SDAD1: variants seen among roughly 807,000 people sequenced by gnomAD.
The protein encoded by SDAD1 is SDA1 domain containing 1.
Under a neutral mutation model 100.3 loss-of-function variants are expected in SDAD1, and 79 were observed. The observed-to-expected ratio is 0.79, with a 90% CI of 0.66 to 0.95. SDAD1 has a LOEUF of 0.95. SDAD1 is among the 40% of genes least tolerant of loss of function. The probability of loss-of-function intolerance (pLI) is 0.00; values close to 1 mark genes in which losing one functional copy is unlikely to be tolerated. For synonymous variants in SDAD1, 267 were observed against 271.4 expected (o/e 0.98, Z 0.16); for missense variants, 790 against 810.9 (o/e 0.97, Z 0.31).
At chr4:75,990,720 G>C in intron 1 of SDAD1, 32 bp downstream of exon 1, 10 of 1,612,976 alleles carry the variant, frequency 6.2e-6, no homozygotes, top group Middle Eastern at 3.3e-4. Context: ...TCCACTATCC[G>C]GCCTCTAGCG....
chr4:75,964,635 T>C (rs539246675), intron 13 of SDAD1, among the ~76,000 whole-genome samples: 3 of 152,280 alleles, frequency 2.0e-5, no homozygotes, highest in East Asian at 1.9e-4. Flanking sequence ...GGGGGGACAG[T>C]AACCCTTGTG....
At chr4:75,976,650 G>A (rs1479663174) in intron 4 of SDAD1, among the ~76,000 whole-genome samples, 1 of 152,018 alleles carries the variant, frequency 6.6e-6, no homozygotes, top group Non-Finnish European at 1.5e-5. Context: ...TGCAGTGATG[G>A]TTGTACCACG....
chr4:75,951,305 A>G (rs1560532205), intron 21 of SDAD1, among the ~76,000 whole-genome samples: 1 of 152,126 alleles, frequency 6.6e-6, no homozygotes, highest in Non-Finnish European at 1.5e-5. Context: ...TGATAACTCT[A>G]TCAATATAAA....
intron 1 of SDAD1, among the ~76,000 whole-genome samples, chr4:75,985,316 A>T (rs551431436): frequency 1.1e-4 from 16 of 152,292 alleles, no homozygotes; most frequent in African/African-American, 3.8e-4. Flanking sequence ...CCAGTCATTC[A>T]GATGCTCTAT....
chr4:75,957,883 A>G lies in SDAD1; in HGVS notation c.1542T>C (p.Asp514=). Residue 514 remains aspartate (D), a synonymous_variant, in exon 18 of 22, where the codon GAT becomes GAC. Coordinates refer to ENST00000356260, the MANE Select transcript of SDAD1 (RefSeq NM_018115.4). ...GTTCTTCATCGGAAGAGTGTTGCAC[A>G]TCAATCCATTCACCATCAGCATCCT... ...EEEDADGEWI[D]VQHSSDEEQQ... is the part of the protein sequence containing the mutation. 1 of 1,613,740 alleles carries G rather than the reference A, an allele frequency of 6.2e-7. No homozygotes were observed.
At chr4:75,957,046 G>A (rs1728936462) in intron 20 of SDAD1, among the ~76,000 whole-genome samples, 2 of 152,182 alleles carry the variant, frequency 1.3e-5, no homozygotes, top group Admixed American at 6.5e-5. Context: ...GGAGGCAGAG[G>A]TTGCAGTGAG....
rs1157523489 is a variant in SDAD1 at position 75,977,629 on chromosome 4, T to C, written c.405+17A>G. 6.1e-6 allele frequency: 9 copies of C among 1,477,632 alleles called. No homozygotes were observed. Among genetic ancestry groups the C allele is most frequent in the Non-Finnish European group, 8.5e-6 (9 of 1,058,656 alleles). 91.5% of individuals were successfully genotyped at this position (1,477,632 alleles called of 1,614,324 possible). On this transcript the variant is annotated intron_variant, in intron 4 of 21. Transcript: ENST00000356260. ...GCCTCAAGGAAGATGCAGGGAAATA[T>C]TTGTTTTGCCCTTTACCTTTCGCAG...
chr4:75,963,842 C>G (rs7349707), intron 14 of SDAD1, among the ~76,000 whole-genome samples: 151,590 of 152,294 alleles, frequency 1, 75,448 homozygotes, highest in Middle Eastern at 1. Context: ...ACAAAGTTTA[C>G]GGTGGGAGAT....
chr4:75,952,551 G>A (rs1728672238), intron 21 of SDAD1, among the ~76,000 whole-genome samples: 1 of 152,082 alleles, frequency 6.6e-6, no homozygotes, highest in Non-Finnish European at 1.5e-5. Context: ...ACAATTTACA[G>A]TAAGACCTCA....
intron 1 of SDAD1, among the ~76,000 whole-genome samples, chr4:75,984,182 G>T (rs1730728800): frequency 6.9e-6 from 1 of 144,196 alleles, no homozygotes; most frequent in Admixed American, 7.0e-5. Flanking sequence ...AAAAAAAAAA[G>T]ACTAGGTCTC....
chr4:75,990,900 C>T lies in SDAD1; in HGVS notation c.-59G>A. On this transcript the variant is annotated 5_prime_UTR_variant, in exon 1 of 22. Transcript: ENST00000356260. ...TTAAAAAAACTCAGACGGCCGGCACCCCGCAATCCCTGCCAGCTGCAGCTT... is the reference window on the plus strand; with the variant it reads ...TTAAAAAAACTCAGACGGCCGGCACTCCGCAATCCCTGCCAGCTGCAGCTT... 4 of 1,601,752 alleles carry T rather than the reference C, an allele frequency of 2.5e-6. No individual in the cohort carries two copies. The highest frequency in any genetic ancestry group is 3.4e-6 in the Non-Finnish European group (4 of 1,170,276).
At chr4:75,969,467 G>T in intron 10 of SDAD1, 68 bp from the exon 11 acceptor site, 1 of 1,033,218 alleles carries the variant, frequency 9.7e-7, no homozygotes, top group Non-Finnish European at 1.5e-6. Flanking sequence ...TGTAACAGGC[G>T]TAGGAAAAGA....
intron 12 of SDAD1, among the ~76,000 whole-genome samples, chr4:75,966,448 C>G (rs1729548890): frequency 6.6e-6 from 1 of 152,008 alleles, no homozygotes; most frequent in African/African-American, 2.4e-5. Context: ...GTATACCTCA[C>G]AAGATTAATG....
chr4:75,955,405 C>T (rs1728833528), intron 21 of SDAD1, among the ~76,000 whole-genome samples: 1 of 152,062 alleles, frequency 6.6e-6, no homozygotes, highest in African/African-American at 2.4e-5. Context: ...CCTGCCTTTC[C>T]ACTTGGGAAC....
intron 17 of SDAD1, among the ~76,000 whole-genome samples, chr4:75,959,112 A>C (rs151172138): frequency 5.2e-4 from 62 of 120,210 alleles, no homozygotes; most frequent in Non-Finnish European, 7.0e-4. Flanking sequence ...AAAAAAAAAA[A>C]AAAAAAAAAA....
At chr4:75,964,295 T>C (rs1729415557) in intron 13 of SDAD1, 84 bp from the exon 14 acceptor site, 2 of 940,318 alleles carry the variant, frequency 2.1e-6, no homozygotes, top group Non-Finnish European at 3.3e-6. Context: ...AATAGATTAT[T>C]CATAGTGGAA....
intron 6 of SDAD1, among the ~76,000 whole-genome samples, chr4:75,974,712 AAAAC>A (rs138794161): frequency 0.33 from 49,537 of 150,740 alleles, 8,913 homozygotes; most frequent in South Asian, 0.42. Context: ...TTGTCTCAAA[AAAAC>A]AAACAAACAA....
At position 75,965,835 on chromosome 4, in the gene SDAD1, G is replaced by A. The variant is rs1434061962; in HGVS notation, c.1046-13C>T. 1 of 1,612,252 alleles carries A rather than the reference G, an allele frequency of 6.2e-7. No individual in the cohort carries two copies. The highest frequency in any genetic ancestry group is 1.3e-5 in the African/African-American group (1 of 74,826). ...ATCTTGGTTACTTCTGAAAACATAAGAGAACAGAAAGGTCATGGTCAGTGT... is the reference window on the plus strand; with the variant it reads ...ATCTTGGTTACTTCTGAAAACATAAAAGAACAGAAAGGTCATGGTCAGTGT... On this transcript the variant is annotated splice_polypyrimidine_tract_variant and intron_variant, in intron 12 of 21. Transcript: ENST00000356260.
chr4:75,990,618 C>G (rs1731201314), intron 1 of SDAD1, 134 bp downstream of exon 1: 1 of 1,588,306 alleles, frequency 6.3e-7, no homozygotes, highest in Non-Finnish European at 8.5e-7. Context: ...CCCTTCTCTC[C>G]TCTGGAGGGA....
Sources: gnomAD v4.1 joint callset for allele counts (sites outside exome capture counted in the v4.1 genomes callset) on GRCh38, gnomAD v4.1.1 for gene constraint, MANE v1.5 for transcripts, NCBI Gene and HGNC (gene_info 2026-07-23, HGNC 2026-07-21) for gene names.